The following STAT4 variants were observed in gnomAD, a reference collection of about 807,000 sequenced individuals.
STAT4 encodes signal transducer and activator of transcription 4.
A neutral mutation model predicts 110.5 loss-of-function variants in STAT4; 42 were observed. The ratio of observed to expected loss-of-function variants is 0.38; its 90% CI spans 0.30 to 0.49. The LOEUF is 0.49. Ranked by LOEUF, STAT4 falls within the 20% of genes least tolerant of loss-of-function variation. The probability of loss-of-function intolerance (pLI) is 0.95; values close to 1 mark genes in which losing one functional copy is unlikely to be tolerated. For synonymous variants in STAT4, 284 were observed against 302.2 expected (o/e 0.94, Z 0.63); for missense variants, 632 against 887.9 (o/e 0.71, Z 3.66).
rs1695942006 is a variant in STAT4 at position 191,032,996 on chromosome 2, T to C, written c.2006A>G (p.Lys669Arg). 9 of 1,614,198 alleles carry C rather than the reference T, an allele frequency of 5.6e-6. No homozygotes were observed. Among genetic ancestry groups the C allele is most frequent in the Non-Finnish European group, 7.6e-6 (9 of 1,180,010 alleles). Residue 669 changes from lysine (K) to arginine (R), a missense_variant, in exon 21 of 24, where the codon AAA (lysine) becomes AGA (arginine). Physicochemically the swap from Lys to Arg is conservative, Grantham distance 26. This residue lies in a region of STAT4 where 38 missense variants were observed against 33.2 expected (regional missense o/e 1.15). Coordinates refer to ENST00000392320, the MANE Select transcript of STAT4 (RefSeq NM_003151.4). This position sits in a 1 kb window ranked among gnomAD's most constrained non-coding sequence, Gnocchi z 4.9. ...AGAGCTGTAGTGTTTACCGAAGGCT[T>C]TGTCTTTGGGAATGTCAGGATATAG... ...KYLYPDIPKD[K>R]AFGKHYSSQP...
intron 3 of STAT4, among the ~76,000 whole-genome samples, chr2:191,137,766 GC>G (rs1380623117): frequency 7.9e-5 from 12 of 152,184 alleles, no homozygotes; most frequent in African/African-American, 2.9e-4. Context: ...CTACACTCGG[GC>G]AAAAACATCC....
At chr2:191,094,917 C>CAAAAAAAA (rs1165913847) in intron 3 of STAT4, among the ~76,000 whole-genome samples, 1 of 77,918 alleles carries the variant, frequency 1.3e-5, no homozygotes, top group East Asian at 3.8e-4. Flanking sequence ...AAATGGAAAG[C>CAAAAAAAA]AAAAAAAAAA....
Position 191,061,625 on chromosome 2 carries a change from T to A in STAT4, c.1034+104A>T, listed in dbSNP as rs1236326738. 1.8e-6 allele frequency: 2 copies of A among 1,098,536 alleles called. No individual in the cohort carries two copies. The highest frequency in any genetic ancestry group is 2.4e-5 in the East Asian group (1 of 42,536). The allele number at this position is 1,098,536 out of a possible 1,614,324, so 68.0% of individuals were successfully genotyped here. ...GCTGGGCACACAGCAGATGGTTCAA[T>A]AAAGAACAGCTGAATGCAAGCCACA... On this transcript the variant is annotated intron_variant, in intron 10 of 23. Coordinates refer to ENST00000392320, the MANE Select transcript of STAT4 (RefSeq NM_003151.4). This position sits in a 1 kb window ranked among gnomAD's most constrained non-coding sequence, Gnocchi z 6.2.
In STAT4 at chr2:191,060,942, T is replaced by A. The variant is rs1056051567; in HGVS notation, c.1034+787A>T. Among the ~76,000 whole-genome samples, 8 of 152,156 alleles carry A rather than the reference T, an allele frequency of 5.3e-5. No individual in the cohort carries two copies. The highest frequency in any genetic ancestry group is 1.2e-4 in the African/African-American group (5 of 41,442). On this transcript the variant is annotated intron_variant, in intron 10 of 23. Coordinates refer to ENST00000392320, the MANE Select transcript of STAT4 (RefSeq NM_003151.4). The surrounding 1 kb of genome is among the most constrained non-coding windows in gnomAD (Gnocchi z 4.5). The stretch of plus-strand genomic sequence containing the variant: ...TGCTCTGTACCATGGCATCACCACC[T>A]CTTGACCTGTTAGTCTGTGGTTTCA...
At chr2:191,071,713 G>A (rs939726942) in intron 5 of STAT4, among the ~76,000 whole-genome samples, 1 of 152,240 alleles carries the variant, frequency 6.6e-6, no homozygotes, top group Non-Finnish European at 1.5e-5. Context: ...TATGGCATAA[G>A]TGGGGGAATT....
At chr2:191,069,560 A>G (rs1406968093) in intron 6 of STAT4, 133 bp downstream of exon 6, 4 of 693,898 alleles carry the variant, frequency 5.8e-6, no homozygotes, top group Non-Finnish European at 9.9e-6. Context: ...AAGCAAAACA[A>G]GAAAATACTC....
upstream of STAT4, chr2:191,151,214 C>T (rs936942175): frequency 1.5e-5 from 15 of 985,574 alleles, no homozygotes; most frequent in African/African-American, 1.7e-5. This position sits in a 1 kb window ranked among gnomAD's most constrained non-coding sequence, Gnocchi z 4.7. Context: ...TCTTATCCCT[C>T]CCAGCGGCTC....
In STAT4 at chr2:191,062,935, A is replaced by G; in HGVS notation, c.783-15T>C. The G allele has an allele frequency of 6.2e-7, 1 of 1,602,082 alleles. No homozygotes were observed. The highest frequency in any genetic ancestry group is 1.1e-5 in the South Asian group (1 of 89,176). ...ATAGTGTAAAGCTATTGAACAGAAA[A>G]TGAAAATCAAAGATAGTTTTTCCAC... On this transcript the variant is annotated splice_polypyrimidine_tract_variant and intron_variant, in intron 8 of 23. Transcript: ENST00000392320. The surrounding 1 kb of genome is among the most constrained non-coding windows in gnomAD (Gnocchi z 4.9).
At chr2:191,064,756 GT>G (rs1007595325) in intron 8 of STAT4, 50 bp downstream of exon 8, 2 of 1,580,430 alleles carry the variant, frequency 1.3e-6, no homozygotes, top group African/African-American at 2.7e-5. Context: ...TGACACTGAA[GT>G]TTTGTGTTTC....
At position 191,032,755 on chromosome 2, in the gene STAT4, G is replaced by A. The variant is rs1029235808; in HGVS notation, c.2044+203C>T. On this transcript the variant is annotated intron_variant, in intron 21 of 23. Transcript: ENST00000392320. This position sits in a 1 kb window ranked among gnomAD's most constrained non-coding sequence, Gnocchi z 4.9. The stretch of plus-strand genomic sequence containing the variant: ...GTTTAGTTACAGCTGCTTATTACTC[G>A]CTAGTGTTAGAAAGCCCAGCGGTCC... 45 of 549,916 alleles carry A rather than the reference G, an allele frequency of 8.2e-5. No homozygotes were observed. Among genetic ancestry groups the A allele is most frequent in the African/African-American group, 6.8e-4 (35 of 51,476 alleles). 34.1% of individuals were successfully genotyped at this position (549,916 alleles called of 1,614,324 possible).
In STAT4 at chr2:191,144,248, G is replaced by A. The variant is rs1699405857; in HGVS notation, c.273+2365C>T. Among the ~76,000 whole-genome samples the A allele has an allele frequency of 6.6e-6, 1 of 152,152 alleles. No individual in the cohort carries two copies. Among genetic ancestry groups the A allele is most frequent in the African/African-American group, 2.4e-5 (1 of 41,420 alleles). On this transcript the variant is annotated intron_variant, in intron 3 of 23. Transcript: ENST00000392320. This position sits in a 1 kb window ranked among gnomAD's most constrained non-coding sequence, Gnocchi z 4.7. ...GACAGAAGGAGATGCTGCTTACCTT[G>A]TAGTTGTTGCTGGAGGGCTGGAGGA... is the stretch of plus-strand genomic sequence containing the variant.
chr2:191,032,814 C>T lies in STAT4; in HGVS notation c.2044+144G>A, dbSNP rs925847. On this transcript the variant is annotated intron_variant, in intron 21 of 23. Coordinates refer to ENST00000392320, the MANE Select transcript of STAT4 (RefSeq NM_003151.4). This position sits in a 1 kb window ranked among gnomAD's most constrained non-coding sequence, Gnocchi z 4.9. ...GAACTGCTGACATACCACTTCATTT[C>T]TAAGGCTTTGACCTCCACATGCCCT... The T allele has an allele frequency of 0.29, 242,484 of 824,180 alleles. 37,585 individuals carry two copies. Among genetic ancestry groups the T allele is most frequent in the East Asian group, 0.49 (17,769 of 35,910 alleles). 51.1% of individuals were successfully genotyped at this position (824,180 alleles called of 1,614,324 possible).
At chr2:191,034,475 G>T in intron 18 of STAT4, 73 bp downstream of exon 18, 3 of 1,051,670 alleles carry the variant, frequency 2.9e-6, no homozygotes, top group Non-Finnish European at 4.4e-6. Flanking sequence ...AAAACCCCAT[G>T]TAGTAATAGA....
Position 191,135,288 on chromosome 2 carries a change from G to C in STAT4, c.273+11325C>G, listed in dbSNP as rs1395337582. Among the ~76,000 whole-genome samples the C allele has an allele frequency of 2.6e-5, 4 of 151,912 alleles. No individual in the cohort carries two copies. The highest frequency in any genetic ancestry group is 5.9e-5 in the Non-Finnish European group (4 of 67,978). On this transcript the variant is annotated intron_variant, in intron 3 of 23. Transcript: ENST00000392320. The surrounding 1 kb of genome is among the most constrained non-coding windows in gnomAD (Gnocchi z 4.8). ...ATTATGAAAAATACACTAACAAGCT[G>C]GAAAACCTAGAAGAAATGGATAAAT...
rs1696071471 is a variant in STAT4, at chr2:191,037,314, A to G, written c.1435-1015T>C. Among the ~76,000 whole-genome samples, 1 of 152,038 alleles carries G rather than the reference A, an allele frequency of 6.6e-6. No individual in the cohort carries two copies. Among genetic ancestry groups the G allele is most frequent in the South Asian group, 2.1e-4 (1 of 4,826 alleles). ...ATAGTAGTCTTTTCTTATTTGCTCT[A>G]CATAATTAAAAAAAACAAAAACAGA... On this transcript the variant is annotated intron_variant, in intron 16 of 23. Coordinates refer to ENST00000392320, the MANE Select transcript of STAT4 (RefSeq NM_003151.4). The surrounding 1 kb of genome is among the most constrained non-coding windows in gnomAD (Gnocchi z 4.8).
chr2:191,037,256 T>C lies in STAT4; in HGVS notation c.1435-957A>G, dbSNP rs1696070052. Among the ~76,000 whole-genome samples, 1 of 152,182 alleles carries C rather than the reference T, an allele frequency of 6.6e-6. No homozygotes were observed. Among genetic ancestry groups the C allele is most frequent in the South Asian group, 2.1e-4 (1 of 4,830 alleles). On this transcript the variant is annotated intron_variant, in intron 16 of 23. Coordinates refer to ENST00000392320, the MANE Select transcript of STAT4 (RefSeq NM_003151.4). This position sits in a 1 kb window ranked among gnomAD's most constrained non-coding sequence, Gnocchi z 4.8. The stretch of plus-strand genomic sequence containing the variant: ...TAGGGAAGGTGACCCTACAATATTA[T>C]GATTAACCTCAAATACCTATTTTAT...
rs1302759375 is a variant in STAT4, at chr2:191,090,154, G to A, written c.274-13829C>T. On this transcript the variant is annotated intron_variant, in intron 3 of 23. Transcript: ENST00000392320. This position sits in a 1 kb window ranked among gnomAD's most constrained non-coding sequence, Gnocchi z 4.2. ...AAACTGGTGAGGGGTGTGAGAAGGA[G>A]ACTAAGGGAGTATATGGGAAAGTAT... Among the ~76,000 whole-genome samples, 1 of 152,070 alleles carries A rather than the reference G, an allele frequency of 6.6e-6. No homozygotes were observed. Among genetic ancestry groups the A allele is most frequent in the Non-Finnish European group, 1.5e-5 (1 of 68,020 alleles).
At chr2:191,081,230 C>T (rs941711978) in intron 3 of STAT4, among the ~76,000 whole-genome samples, 4 of 152,246 alleles carry the variant, frequency 2.6e-5, no homozygotes, top group East Asian at 1.9e-4. Flanking sequence ...TTTTCTTTAT[C>T]GAGTCTATCA....
At chr2:191,089,814 T>C (rs577341390) in intron 3 of STAT4, among the ~76,000 whole-genome samples, 1 of 152,344 alleles carries the variant, frequency 6.6e-6, no homozygotes, top group African/African-American at 2.4e-5. Flanking sequence ...AAAGGCTACA[T>C]ATTGTGTGAT....
Sources: allele counts gnomAD v4.1 joint callset (sites outside exome capture counted in the v4.1 genomes callset), GRCh38; gene constraint gnomAD v4.1.1; regional missense constraint gnomAD v4.1.1; non-coding constraint Gnocchi (gnomAD v3.1); transcripts MANE v1.5; gene names NCBI Gene and HGNC (gene_info 2026-07-23, HGNC 2026-07-21).